The following SLC14A2 variants were observed in gnomAD, a reference collection of about 807,000 sequenced individuals.
The protein encoded by SLC14A2 is solute carrier family 14 member 2, also known as urea transporter 2.
Under a neutral mutation model 104.6 loss-of-function variants are expected in SLC14A2, and 91 were observed. The observed-to-expected ratio is 0.87, with a 90% CI of 0.73 to 1.04. The LOEUF (loss-of-function observed/expected upper bound fraction) is 1.04. Ranked by LOEUF, SLC14A2 falls within the 50% of genes least tolerant of loss-of-function variation. The pLI is 0.00. For missense variants in SLC14A2, 1,189 were observed against 1,156.0 expected, an observed-to-expected ratio of 1.03 and a Z score of -0.41; for synonymous variants, 476 against 466.4, an observed-to-expected ratio of 1.02 and a Z score of -0.27.
chr18:45,542,035 G>GTTTGTT (rs2043891585), intron 2 of SLC14A2, among the ~76,000 whole-genome samples: 8 of 54,234 alleles, frequency 1.5e-4, no homozygotes, highest in Middle Eastern at 0.014. Flanking sequence ...AAGAGAGAGG[G>GTTTGTT]TTTTTTTTTT....
intron 2 of SLC14A2, among the ~76,000 whole-genome samples, chr18:45,595,017 A>G (rs1266392828): frequency 6.6e-6 from 1 of 152,092 alleles, no homozygotes; most frequent in Non-Finnish European, 1.5e-5. Context: ...CCTCTTTCCA[A>G]ACCCTACCCA....
At chr18:45,647,676 T>C (rs2045646458) in intron 10 of SLC14A2, 2 of 152,200 alleles carry the variant, frequency 1.3e-5, no homozygotes, top group South Asian at 4.1e-4. Flanking sequence ...TAAAGGAGTC[T>C]ACATTTATCA....
intron 2 of SLC14A2, among the ~76,000 whole-genome samples, chr18:45,590,787 T>C (rs559967293): frequency 1.6e-4 from 25 of 152,346 alleles, no homozygotes; most frequent in African/African-American, 6.0e-4. Context: ...AAAGCTGACA[T>C]TGATTGAGTG....
chr18:45,537,047 C>T (rs980965329), intron 2 of SLC14A2, among the ~76,000 whole-genome samples: 1 of 133,646 alleles, frequency 7.5e-6, no homozygotes, highest in Non-Finnish European at 1.6e-5. Context: ...CCCTCCCTCC[C>T]TCCCTCCCTC....
intron 1 of SLC14A2, among the ~76,000 whole-genome samples, chr18:45,361,423 C>T (rs1281929275): frequency 6.6e-6 from 1 of 152,184 alleles, no homozygotes; most frequent in Non-Finnish European, 1.5e-5. Flanking sequence ...TCCTACCCAG[C>T]TCCCACCTAC....
intron 1 of SLC14A2, among the ~76,000 whole-genome samples, chr18:45,240,416 G>A (rs534674265): frequency 6.6e-6 from 1 of 151,866 alleles, no homozygotes; most frequent in African/African-American, 2.4e-5. Context: ...TTAATATACT[G>A]ATTTCCTTTC....
intron 1 of SLC14A2, among the ~76,000 whole-genome samples, chr18:45,369,575 T>C (rs79308368): frequency 0.03 from 4,507 of 152,296 alleles, 239 homozygotes; most frequent in African/African-American, 0.1. Context: ...TATATGTATA[T>C]GTTTTATGCT....
intron 1 of SLC14A2, among the ~76,000 whole-genome samples, chr18:45,240,950 G>A (rs557095428): frequency 1.1e-3 from 175 of 152,194 alleles, no homozygotes; most frequent in Non-Finnish European, 1.5e-3. Context: ...GAGCCACCGC[G>A]CCCAGCTTCA....
chr18:45,667,084 G>A lies in SLC14A2; in HGVS notation c.1707G>A (p.Glu569=). 2 of 1,613,246 alleles carry A rather than the reference G, an allele frequency of 1.2e-6. No homozygotes were observed. The highest frequency in any genetic ancestry group is 4.5e-5 in the East Asian group (2 of 44,868). Residue 569 remains glutamate, a synonymous_variant, in exon 13 of 20, where the codon GAG becomes GAA. Coordinates refer to ENST00000255226, the MANE Select transcript of SLC14A2 (RefSeq NM_007163.4). ...YITGEMKECG[E]GLKDKSPVFQ... is the part of the protein sequence containing the mutation. ...CAGGAGAGATGAAGGAGTGTGGAGA[G>A]GGACTTAAAGGTAAAATTCTATGAG...
At chr18:45,394,531 T>A (rs574479652) in intron 1 of SLC14A2, among the ~76,000 whole-genome samples, 118 of 152,314 alleles carry the variant, frequency 7.7e-4, no homozygotes, top group African/African-American at 2.8e-3. Context: ...TGTCTATTTT[T>A]AAAAATAATG....
intron 1 of SLC14A2, among the ~76,000 whole-genome samples, chr18:45,239,042 G>GAAA (rs1322900272): frequency 6.6e-6 from 1 of 152,132 alleles, no homozygotes; most frequent in African/African-American, 2.4e-5. Context: ...GTGTATATAA[G>GAAA]AAAAAGGTGC....
the SLC14A2 span, among the ~76,000 whole-genome samples, chr18:45,169,814 C>T: frequency 6.6e-6 from 1 of 152,146 alleles, no homozygotes; most frequent in African/African-American, 2.4e-5. Flanking sequence ...ATACCATCTA[C>T]TCATTATTCT....
At chr18:45,561,631 A>G (rs566823571) in intron 2 of SLC14A2, among the ~76,000 whole-genome samples, 5 of 152,350 alleles carry the variant, frequency 3.3e-5, no homozygotes, top group African/African-American at 1.2e-4. Flanking sequence ...TTTTTAATAA[A>G]AATGAAAAAT....
intron 1 of SLC14A2, among the ~76,000 whole-genome samples, chr18:45,384,758 A>C (rs2085876467): frequency 6.6e-6 from 1 of 152,200 alleles, no homozygotes. Flanking sequence ...CCACAAAAAA[A>C]CTGAGGACCC....
intron 1 of SLC14A2, among the ~76,000 whole-genome samples, chr18:45,288,938 G>A (rs548929888): frequency 6.6e-5 from 10 of 152,314 alleles, no homozygotes; most frequent in South Asian, 2.1e-4. Flanking sequence ...CATGTTAAAC[G>A]TAAATGAAGG....
chr18:45,518,167 C>T lies in SLC14A2; in HGVS notation c.-35+34845C>T, dbSNP rs143548311. Among the ~76,000 whole-genome samples, 279 of 152,322 alleles carry T rather than the reference C, an allele frequency of 1.8e-3. 1 individual carries two copies. The highest frequency in any genetic ancestry group is 3.3e-3 in the Non-Finnish European group (224 of 68,034). On this transcript the variant is annotated intron_variant, in intron 2 of 20. Transcript: ENST00000586448. ...CTGTTACCTAACAAAGCCTACATCA[C>T]ACAGTTCCGGGTTGCTCCAAGGCCT...
At chr18:45,431,292 T>C (rs2086510841) in intron 1 of SLC14A2, among the ~76,000 whole-genome samples, 1 of 151,986 alleles carries the variant, frequency 6.6e-6, no homozygotes, top group Non-Finnish European at 1.5e-5. Context: ...AGTGGATGAG[T>C]GTGTTGTGCG....
intron 2 of SLC14A2, among the ~76,000 whole-genome samples, chr18:45,536,879 G>T (rs1791486041): frequency 6.6e-6 from 1 of 152,206 alleles, no homozygotes; most frequent in Admixed American, 6.5e-5. Context: ...AGCAGGGCCT[G>T]TCCTGAATGC....
chr18:45,246,958 T>A (rs1483135310), intron 1 of SLC14A2, among the ~76,000 whole-genome samples: 1 of 152,114 alleles, frequency 6.6e-6, no homozygotes, highest in African/African-American at 2.4e-5. Flanking sequence ...ACCATCCAGT[T>A]TGAAAAAGAA....
Sources: allele counts gnomAD v4.1 joint callset (sites outside exome capture counted in the v4.1 genomes callset), GRCh38; gene constraint gnomAD v4.1.1; transcripts MANE v1.5; gene names NCBI Gene and HGNC (gene_info 2026-07-23, HGNC 2026-07-21).